Variants in TLK2 observed in about 807,000 individuals in gnomAD.
TLK2 encodes the protein tousled like kinase 2.
In TLK2, 6 loss-of-function variants were observed where a neutral mutation model predicts 117.3. The ratio of observed to expected loss-of-function variants is 0.05; its 90% CI spans 0.03 to 0.10. TLK2 has a LOEUF of 0.10. Among genes scored for constraint, TLK2 ranks in the 10% least tolerant of loss-of-function variants. The pLI is 1.00. For synonymous variants in TLK2, 257 were observed against 316.7 expected (o/e 0.81, Z 2.00); for missense variants, 299 against 901.2 (o/e 0.33, Z 8.56).
intron 11 of TLK2, among the ~76,000 whole-genome samples, chr17:62,566,185 CTT>C (rs545789794): frequency 6.9e-6 from 1 of 145,068 alleles, no homozygotes. Context: ...GGTGAATCTT[CTT>C]TTTTTTTTTA....
At chr17:62,512,861 A>AATTATTATTATTATT (rs35048188) in intron 2 of TLK2, among the ~76,000 whole-genome samples, 96 of 141,154 alleles carry the variant, frequency 6.8e-4, no homozygotes, top group Middle Eastern at 3.6e-3. Flanking sequence ...AAAATTTATT[A>AATTATTATTATTATT]ATTATTATTA....
intron 7 of TLK2, chr17:62,550,303 G>A (rs1220800236): frequency 6.6e-6 from 1 of 152,280 alleles, no homozygotes; most frequent in Non-Finnish European, 1.5e-5. Flanking sequence ...CTTTTTAAAG[G>A]TTTATCCCTG....
At chr17:62,528,623 G>A (rs2076536837) in intron 6 of TLK2, among the ~76,000 whole-genome samples, 1 of 151,976 alleles carries the variant, frequency 6.6e-6, no homozygotes, top group Non-Finnish European at 1.5e-5. Context: ...CGCCATGTTG[G>A]CCAGGCTGGC....
intron 6 of TLK2, among the ~76,000 whole-genome samples, chr17:62,530,440 C>T (rs1402968158): frequency 6.6e-6 from 1 of 152,158 alleles, no homozygotes; most frequent in African/African-American, 2.4e-5. Context: ...GCGCTCCATC[C>T]TGTAGCATAG....
At chr17:62,611,911 A>G (rs1598936121) in intron 21 of TLK2, 1 of 152,376 alleles carries the variant, frequency 6.6e-6, no homozygotes, top group Admixed American at 6.5e-5. Context: ...AAATAATTTT[A>G]TAACCTGTGA....
chr17:62,516,635 C>T (rs1325574591), intron 2 of TLK2: 98 of 1,610,062 alleles, frequency 6.1e-5, no homozygotes, highest in Non-Finnish European at 7.5e-5. Context: ...GCCTTCATGA[C>T]ATGAAGGTTG....
At chr17:62,589,464 C>T (rs1312156579) in intron 16 of TLK2, among the ~76,000 whole-genome samples, 1 of 152,122 alleles carries the variant, frequency 6.6e-6, no homozygotes, top group Non-Finnish European at 1.5e-5. Flanking sequence ...ATTTGTAGTG[C>T]ATGGATCTCT....
At chr17:62,567,068 A>T (rs1274182937) in intron 11 of TLK2, among the ~76,000 whole-genome samples, 1 of 152,132 alleles carries the variant, frequency 6.6e-6, no homozygotes, top group Non-Finnish European at 1.5e-5. Context: ...TCTCTACAAA[A>T]TATACAAAAA....
intron 2 of TLK2, among the ~76,000 whole-genome samples, chr17:62,493,721 A>G (rs2073352997): frequency 6.6e-6 from 1 of 152,216 alleles, no homozygotes; most frequent in South Asian, 2.1e-4. Context: ...CCAGTAAGTA[A>G]GAACTAAGCT....
At chr17:62,610,123 TA>T (rs931044462) in intron 21 of TLK2, among the ~76,000 whole-genome samples, 1 of 152,234 alleles carries the variant, frequency 6.6e-6, no homozygotes, top group Admixed American at 6.5e-5. Flanking sequence ...ACTATTTCTT[TA>T]TATAACTTTT....
At chr17:62,572,956 A>G (rs1343879808) in intron 11 of TLK2, 1 of 321,338 alleles carries the variant, frequency 3.1e-6, no homozygotes, top group Non-Finnish European at 5.7e-6. Flanking sequence ...TAAGGTCACA[A>G]TAGAAATTTG....
chr17:62,567,871 A>G (rs1313040275), intron 11 of TLK2, among the ~76,000 whole-genome samples: 1 of 152,104 alleles, frequency 6.6e-6, no homozygotes, highest in Non-Finnish European at 1.5e-5. Flanking sequence ...TTAATTTCCT[A>G]AAACAGAAGA....
chr17:62,530,667 C>T (rs572741117), intron 6 of TLK2, among the ~76,000 whole-genome samples: 24 of 152,204 alleles, frequency 1.6e-4, no homozygotes, highest in Middle Eastern at 6.8e-3. Flanking sequence ...TATCAGTGTT[C>T]GTTTAGGTTT....
intron 7 of TLK2, among the ~76,000 whole-genome samples, chr17:62,549,242 A>G (rs1226691232): frequency 6.8e-6 from 1 of 147,000 alleles, no homozygotes; most frequent in Non-Finnish European, 1.5e-5. Context: ...AAAAAAAAAT[A>G]CAAAAAATTA....
chr17:62,498,089 C>CCT (rs1171520457), intron 2 of TLK2, among the ~76,000 whole-genome samples: 2 of 152,120 alleles, frequency 1.3e-5, no homozygotes, highest in Non-Finnish European at 2.9e-5. Context: ...GAAGAACAAA[C>CCT]CTTTATACCT....
Position 62,520,760 on chromosome 17 carries a change from T to G in TLK2, c.82-13T>G, listed in dbSNP as rs1029068472. On this transcript the variant is annotated splice_polypyrimidine_tract_variant and intron_variant, in intron 2 of 21. Coordinates refer to ENST00000346027, the MANE Select transcript of TLK2 (RefSeq NM_006852.6). ...ATTAAAATTTATTTATTTATGATTT[T>G]TTTTTCTTTCAGGGACCACTTAATA... The G allele has an allele frequency of 1.2e-6, 2 of 1,610,200 alleles. No individual in the cohort carries two copies. Among genetic ancestry groups the G allele is most frequent in the African/African-American group, 2.7e-5 (2 of 74,632 alleles).
chr17:62,480,345 A>G (rs1322243157), intron 1 of TLK2, among the ~76,000 whole-genome samples: 4 of 152,182 alleles, frequency 2.6e-5, no homozygotes, highest in Non-Finnish European at 5.9e-5. Flanking sequence ...ATATTTGCTG[A>G]AAGTAGCCTG....
At chr17:62,591,974 G>C (rs1220018062) in intron 16 of TLK2, among the ~76,000 whole-genome samples, 1 of 148,272 alleles carries the variant, frequency 6.7e-6, no homozygotes, top group Non-Finnish European at 1.5e-5. Context: ...TTTTTTCCGA[G>C]ACAGAGTTTC....
chr17:62,478,835 C>T lies in TLK2; in HGVS notation c.-461C>T, dbSNP rs1174785745. 6.7e-6 allele frequency among the ~76,000 whole-genome samples: 1 copy of T among 148,768 alleles called. No individual in the cohort carries two copies. Reference sequence around the variant, plus strand: ...GTGTTTACACCGATCACTACTAATCCGGACCGAACCGATCCGGATTAAGGG... The same window carrying T: ...GTGTTTACACCGATCACTACTAATCTGGACCGAACCGATCCGGATTAAGGG... On this transcript the variant is annotated 5_prime_UTR_variant, in exon 1 of 22. Coordinates refer to ENST00000346027, the MANE Select transcript of TLK2 (RefSeq NM_006852.6).
Sources: allele counts gnomAD v4.1 joint callset (sites outside exome capture counted in the v4.1 genomes callset), GRCh38; gene constraint gnomAD v4.1.1; transcripts MANE v1.5; gene names NCBI Gene and HGNC (gene_info 2026-07-23, HGNC 2026-07-21).